The following MIA2 variants were observed in gnomAD, a reference collection of about 807,000 sequenced individuals.
The protein encoded by MIA2 is melanoma inhibitory activity protein 2.
A neutral mutation model predicts 167.8 loss-of-function variants in MIA2; 127 were observed. The ratio of observed to expected loss-of-function variants is 0.76; its 90% CI spans 0.66 to 0.88. MIA2 has a LOEUF of 0.88. Among genes scored for constraint, MIA2 ranks in the 40% least tolerant of loss-of-function variants. MIA2 has a pLI of 0.00. For synonymous variants in MIA2, 552 were observed against 541.9 expected (o/e 1.02, Z -0.26); for missense variants, 1,690 against 1,624.7 (o/e 1.04, Z -0.69).
intron 23 of MIA2, among the ~76,000 whole-genome samples, chr14:39,372,944 AATAG>A (rs761747666): frequency 6.6e-6 from 1 of 152,194 alleles, no homozygotes; most frequent in African/African-American, 2.4e-5. Flanking sequence ...TATATTTCAA[AATAG>A]ATAGAAGAGA....
At chr14:39,289,385 T>G (rs1247804574) in intron 9 of MIA2, among the ~76,000 whole-genome samples, 1 of 152,086 alleles carries the variant, frequency 6.6e-6, no homozygotes, top group African/African-American at 2.4e-5. Context: ...CGGCTAATTT[T>G]TGTATTTTTA....
chr14:39,288,811 T>C (rs2060320465), intron 9 of MIA2, among the ~76,000 whole-genome samples: 1 of 152,112 alleles, frequency 6.6e-6, no homozygotes, highest in Admixed American at 6.5e-5. Flanking sequence ...TACCACTTGA[T>C]CCCAATGCAT....
chr14:39,354,544 T>C (rs2074472968), downstream of MIA2, among the ~76,000 whole-genome samples: 1 of 152,234 alleles, frequency 6.6e-6, no homozygotes. Flanking sequence ...TCTTTTGCTG[T>C]GCAGAAGCTC....
intron 1 of MIA2, among the ~76,000 whole-genome samples, chr14:39,235,631 T>A (rs1401399886): frequency 1.3e-5 from 2 of 151,878 alleles, no homozygotes; most frequent in African/African-American, 4.8e-5. Context: ...TCAAAAAAGT[T>A]AGCTGGGCAT....
At chr14:39,262,232 T>C in intron 6 of MIA2, among the ~76,000 whole-genome samples, 1 of 152,222 alleles carries the variant, frequency 6.6e-6, no homozygotes, top group East Asian at 1.9e-4. Flanking sequence ...GCTTTCTACA[T>C]ATGGCTAGCA....
At chr14:39,234,784 G>A (rs2053657260) in intron 1 of MIA2, among the ~76,000 whole-genome samples, 1 of 151,784 alleles carries the variant, frequency 6.6e-6, no homozygotes, top group African/African-American at 2.4e-5. Context: ...ACTGAAATCA[G>A]GACTAGAATA....
intron 7 of MIA2, among the ~76,000 whole-genome samples, chr14:39,278,766 A>G (rs1004389103): frequency 4.7e-5 from 7 of 149,650 alleles, no homozygotes; most frequent in African/African-American, 1.2e-4. Flanking sequence ...TTGGGGAGCA[A>G]TGGGTTAAAT....
At chr14:39,367,197 G>A (rs2074840192) in intron 23 of MIA2, among the ~76,000 whole-genome samples, 1 of 152,180 alleles carries the variant, frequency 6.6e-6, no homozygotes, top group South Asian at 2.1e-4. Flanking sequence ...CTATCCTTGG[G>A]GTGCAGGATA....
chr14:39,341,706 A>G (rs566302239), intron 25 of MIA2, among the ~76,000 whole-genome samples: 14 of 152,256 alleles, frequency 9.2e-5, no homozygotes, highest in Admixed American at 2.0e-4. Context: ...AGAGTGGAAG[A>G]ACTCAAACAT....
In MIA2 at chr14:39,279,256, G is replaced by C. The variant is rs1208081897; in HGVS notation, c.2020-81G>C. ...GGCAATAAGAAACCTGTATTTCTAA[G>C]TTGGCAGTAGACGTTAAATGAATTG... On this transcript the variant is annotated intron_variant, in intron 7 of 28. Transcript: ENST00000640607. 1.6e-5 allele frequency: 19 copies of C among 1,169,334 alleles called. 1 individual carries two copies. The highest frequency in any genetic ancestry group is 1.9e-5 in the Non-Finnish European group (15 of 806,892). The allele number at this position is 1,169,334 out of a possible 1,614,324, so 72.4% of individuals were successfully genotyped here. A position where few individuals can be genotyped will look rare whatever the true frequency, so the allele number is the denominator to read the frequency against.
intron 2 of MIA2, chr14:39,237,292 T>A (rs2053796994): frequency 4.1e-6 from 2 of 485,916 alleles, no homozygotes; most frequent in East Asian, 8.3e-5. Context: ...CACGCCCGGC[T>A]AATTTTTGTA....
At chr14:39,373,307 A>C (rs2074984449) in intron 23 of MIA2, among the ~76,000 whole-genome samples, 1 of 37,292 alleles carries the variant, frequency 2.7e-5, no homozygotes, top group Admixed American at 2.9e-4. Context: ...ATTCTTGGCC[A>C]AAAAAAAAAA....
At chr14:39,307,632 T>G (rs1271575273) in intron 17 of MIA2, among the ~76,000 whole-genome samples, 1 of 152,094 alleles carries the variant, frequency 6.6e-6, no homozygotes, top group African/African-American at 2.4e-5. Context: ...ACTCCTGGCC[T>G]CAAGTGATCC....
In MIA2 at chr14:39,385,732, TC is replaced by T. The variant is rs1211979411; in HGVS notation, c.2249-1152del. ...CAGACTATAGTCCTTCTTACGTGTC[TC>T]TACCGGATTCTGGATAATAGTAGAT... On this transcript the variant is annotated intron_variant, in intron 23 of 23. Transcript: ENST00000341502. The T allele has an allele frequency of 8.8e-6, 8 of 908,830 alleles. No homozygotes were observed. The East Asian group carries it at 9.6e-5, about 11-fold the overall frequency. The allele number at this position is 908,830 out of a possible 1,614,324, so 56.3% of individuals were successfully genotyped here.
At chr14:39,346,652 T>C (rs1367662521) in intron 26 of MIA2, among the ~76,000 whole-genome samples, 1 of 146,532 alleles carries the variant, frequency 6.8e-6, no homozygotes, top group Non-Finnish European at 1.5e-5. Context: ...AAAGGACATA[T>C]ATTTATATAT....
intron 9 of MIA2, among the ~76,000 whole-genome samples, chr14:39,286,871 G>C (rs2059887657): frequency 7.3e-6 from 1 of 136,562 alleles, no homozygotes; most frequent in Non-Finnish European, 1.6e-5. Flanking sequence ...TTTTCTGTGT[G>C]TGTGTGTGTG....
intron 6 of MIA2, chr14:39,266,759 G>T (rs1289176058): frequency 5.1e-6 from 5 of 985,098 alleles, no homozygotes; most frequent in Non-Finnish European, 6.0e-6. Context: ...ACTTCTGCAG[G>T]GCGCAGACAG....
chr14:39,344,215 G>A (rs1387821786), intron 25 of MIA2, among the ~76,000 whole-genome samples: 1 of 152,162 alleles, frequency 6.6e-6, no homozygotes, highest in Non-Finnish European at 1.5e-5. Context: ...TTCTGAGGTT[G>A]TTGATGTGTG....
At chr14:39,305,843 C>T (rs113528097) in intron 17 of MIA2, among the ~76,000 whole-genome samples, 2,810 of 150,388 alleles carry the variant, frequency 0.019, 98 homozygotes, top group African/African-American at 0.065. Context: ...GGCTGAGGCA[C>T]GAGAATCGCT....
Sources: allele counts gnomAD v4.1 joint callset (sites outside exome capture counted in the v4.1 genomes callset), GRCh38; gene constraint gnomAD v4.1.1; transcripts MANE v1.5; gene names NCBI Gene and HGNC (gene_info 2026-07-23, HGNC 2026-07-21).